The following RASGRF2 variants were observed in gnomAD, a reference collection of about 807,000 sequenced individuals.
RASGRF2 encodes the protein Ras protein specific guanine nucleotide releasing factor 2.
RASGRF2 carries 76 observed loss-of-function variants against 151.0 expected under a neutral mutation model. That is an observed-to-expected ratio of 0.50 (90% confidence interval 0.42 to 0.61). RASGRF2 has a LOEUF of 0.61. Among genes scored for constraint, RASGRF2 ranks in the 20% least tolerant of loss-of-function variants. The pLI is 0.00. For synonymous variants in RASGRF2, 504 were observed against 566.5 expected (o/e 0.89, Z 1.57); for missense variants, 1,148 against 1,564.6 (o/e 0.73, Z 4.49).
chr5:81,207,563 C>T (rs1755537941), intron 21 of RASGRF2, among the ~76,000 whole-genome samples: 1 of 152,184 alleles, frequency 6.6e-6, no homozygotes, highest in Non-Finnish European at 1.5e-5. Context: ...AAGAACCCTG[C>T]CCAGGGACTT....
chr5:81,126,541 A>T (rs1227769863), intron 16 of RASGRF2, among the ~76,000 whole-genome samples: 1 of 152,110 alleles, frequency 6.6e-6, no homozygotes, highest in Non-Finnish European at 1.5e-5. Flanking sequence ...TTCTATACTC[A>T]TTAGCGGTCA....
chr5:80,991,351 G>A (rs1580174265), intron 1 of RASGRF2, among the ~76,000 whole-genome samples: 2 of 152,126 alleles, frequency 1.3e-5, no homozygotes, highest in Admixed American at 6.5e-5. Flanking sequence ...TTTGAGCCCA[G>A]GCGGTGGATG....
At chr5:81,069,973 T>C (rs1458311345) in intron 3 of RASGRF2, 2 of 154,810 alleles carry the variant, frequency 1.3e-5, no homozygotes, top group African/African-American at 2.4e-5. Flanking sequence ...GGAATTCTCT[T>C]GGTTGGCTTG....
chr5:81,187,701 T>G (rs959949275), intron 18 of RASGRF2, among the ~76,000 whole-genome samples: 1 of 152,230 alleles, frequency 6.6e-6, no homozygotes, highest in Admixed American at 6.5e-5. Context: ...ACATGCCCTC[T>G]GACTTATTAA....
At chr5:81,008,444 C>T (rs940985306) in intron 1 of RASGRF2, among the ~76,000 whole-genome samples, 1 of 152,110 alleles carries the variant, frequency 6.6e-6, no homozygotes, top group African/African-American at 2.4e-5. Context: ...AGCCACCGTG[C>T]CTGGCTGGTT....
chr5:81,094,761 G>C, intron 11 of RASGRF2, 95 bp from the exon 12 acceptor site: 1 of 1,344,276 alleles, frequency 7.4e-7, no homozygotes, highest in Non-Finnish European at 1.0e-6. Context: ...CGATTTGAGT[G>C]CAAATGGATT....
intron 17 of RASGRF2, among the ~76,000 whole-genome samples, chr5:81,165,860 C>G (rs1754494601): frequency 6.6e-6 from 1 of 151,086 alleles, no homozygotes; most frequent in African/African-American, 2.4e-5. Context: ...TTACTTACAC[C>G]TTCTATAAGC....
intron 17 of RASGRF2, among the ~76,000 whole-genome samples, chr5:81,160,666 C>CA (rs1754360512): frequency 7.0e-6 from 1 of 143,474 alleles, no homozygotes; most frequent in Non-Finnish European, 1.5e-5. Context: ...GGTGACAGAG[C>CA]AAGACTCTGT....
chr5:81,185,832 A>T (rs1444589083), intron 18 of RASGRF2, among the ~76,000 whole-genome samples: 1 of 152,188 alleles, frequency 6.6e-6, no homozygotes, highest in Admixed American at 6.5e-5. Flanking sequence ...TGAAGAATAT[A>T]CTGAACTGGA....
intron 24 of RASGRF2, 120 bp downstream of exon 24, chr5:81,216,075 CA>C: frequency 9.9e-7 from 1 of 1,009,066 alleles, no homozygotes; most frequent in Non-Finnish European, 1.3e-6. Flanking sequence ...AAATGGGAAA[CA>C]ACTTGTATCA....
In RASGRF2 at chr5:81,085,846, A is replaced by T; in HGVS notation, c.1206A>T (p.Thr402=). ...CACTCCATGAGCTCCTTGCTCACAC[A>T]CCCCATGAGCATGTGGAAAGGAAAA... ...IITLHELLAH[T]PHEHVERKSL... is the part of the protein sequence containing the mutation. Residue 402 remains threonine, a synonymous_variant, in exon 8 of 27, where the codon ACA becomes ACT. Transcript: ENST00000265080. 6.2e-7 allele frequency: 1 copy of T among 1,613,980 alleles called. No individual in the cohort carries two copies. The highest frequency in any genetic ancestry group is 1.1e-5 in the South Asian group (1 of 91,058).
chr5:81,200,552 ATAGCCT>A (rs1478386368), intron 18 of RASGRF2, among the ~76,000 whole-genome samples: 2 of 152,236 alleles, frequency 1.3e-5, no homozygotes, highest in African/African-American at 4.8e-5. Context: ...ATAGATATTG[ATAGCCT>A]TAGCATATTT....
chr5:81,154,041 A>G (rs1457021034), intron 17 of RASGRF2, among the ~76,000 whole-genome samples: 1 of 152,114 alleles, frequency 6.6e-6, no homozygotes, highest in Admixed American at 6.5e-5. Flanking sequence ...GCATCTAACA[A>G]CAGAGCCCTA....
chr5:81,140,411 AAC>A (rs138439687), intron 17 of RASGRF2, among the ~76,000 whole-genome samples: 4,171 of 147,994 alleles, frequency 0.028, 123 homozygotes, highest in African/African-American at 0.079. Flanking sequence ...CCTATTTTTA[AAC>A]ACACACACAC....
At chr5:81,036,258 G>T (rs1015694755) in intron 1 of RASGRF2, among the ~76,000 whole-genome samples, 1 of 151,850 alleles carries the variant, frequency 6.6e-6, no homozygotes, top group African/African-American at 2.4e-5. Flanking sequence ...CTGGTGAATC[G>T]TTATAGTCAT....
At chr5:81,170,719 T>A (rs1490358367) in intron 17 of RASGRF2, among the ~76,000 whole-genome samples, 2 of 152,232 alleles carry the variant, frequency 1.3e-5, no homozygotes, top group Admixed American at 6.5e-5. Context: ...TCACCCTTTT[T>A]CTGTTCAATA....
chr5:81,153,724 A>G (rs12374505), intron 17 of RASGRF2, among the ~76,000 whole-genome samples: 40,820 of 152,108 alleles, frequency 0.27, 5,906 homozygotes, highest in African/African-American at 0.38. Flanking sequence ...ATCAAATTCC[A>G]TTAAGCATTA....
intron 18 of RASGRF2, among the ~76,000 whole-genome samples, chr5:81,181,364 A>C (rs1754913142): frequency 6.6e-6 from 1 of 152,244 alleles, no homozygotes; most frequent in Non-Finnish European, 1.5e-5. Flanking sequence ...CACCACAAGT[A>C]AGCCCATAGA....
chr5:80,967,869 A>C (rs528324801), intron 1 of RASGRF2, among the ~76,000 whole-genome samples: 1 of 152,360 alleles, frequency 6.6e-6, no homozygotes, highest in East Asian at 1.9e-4. Flanking sequence ...CACTCATATT[A>C]ATATGAATTT....
Sources: allele counts gnomAD v4.1 joint callset (sites outside exome capture counted in the v4.1 genomes callset), GRCh38; gene constraint gnomAD v4.1.1; transcripts MANE v1.5; gene names NCBI Gene and HGNC (gene_info 2026-07-23, HGNC 2026-07-21).